Variants in TNNI3K observed in about 807,000 individuals in gnomAD.
TNNI3K encodes TNNI3 interacting kinase, also known as serine/threonine-protein kinase TNNI3K.
TNNI3K carries 140 observed loss-of-function variants against 114.5 expected under a neutral mutation model. The ratio of observed to expected loss-of-function variants is 1.22; its 90% CI spans 1.07 to 1.41. The LOEUF is 1.41. TNNI3K is among the 40% of genes most tolerant of loss of function. The probability of loss-of-function intolerance (pLI) is 0.00; values close to 1 mark genes in which losing one functional copy is unlikely to be tolerated. For missense variants in TNNI3K, 1,125 were observed against 1,007.6 expected, an observed-to-expected ratio of 1.12 and a Z score of -1.58; for synonymous variants, 347 against 347.5, an observed-to-expected ratio of 1.00 and a Z score of 0.02.
In TNNI3K at chr1:74,357,601, G is replaced by C. The variant is rs115587837; in HGVS notation, c.1177+3472G>C. Among the ~76,000 whole-genome samples the C allele has an allele frequency of 2.0e-3, 300 of 152,238 alleles. 1 individual carries two copies. The highest frequency in any genetic ancestry group is 6.5e-3 in the African/African-American group (270 of 41,540). ...GGTTCCCTGTGGAATCAGATATAAAGAATGCTTTCTATTTGCATAGCCCTT... is the reference window on the plus strand; with the variant it reads ...GGTTCCCTGTGGAATCAGATATAAACAATGCTTTCTATTTGCATAGCCCTT... On this transcript the variant is annotated intron_variant, in intron 11 of 24. Coordinates refer to ENST00000326637, the MANE Select transcript of TNNI3K (RefSeq NM_015978.3).
Position 74,301,879 on chromosome 1 carries a change from C to T in TNNI3K, c.445-29571C>T, listed in dbSNP as rs922131063. 2.6e-5 allele frequency among the ~76,000 whole-genome samples: 4 copies of T among 152,162 alleles called. No individual in the cohort carries two copies. In the South Asian group the frequency reaches 6.2e-4, roughly 24 times the overall value. The stretch of plus-strand genomic sequence containing the variant: ...AACCTTGGAAACATTTTAGTAAAGA[C>T]AGCAGTGACTTCTAAATGACTATGT... On this transcript the variant is annotated intron_variant, in intron 5 of 24. Transcript: ENST00000326637.
chr1:74,247,893 C>T lies in TNNI3K; in HGVS notation c.150-1566C>T, dbSNP rs188857145. Reference sequence around the variant, plus strand: ...GGAGCCGCCTGCCAGTCCCACGCTGCGTGCCTGCACTCCTCAGCCCTTGGG... The same window carrying T: ...GGAGCCGCCTGCCAGTCCCACGCTGTGTGCCTGCACTCCTCAGCCCTTGGG... On this transcript the variant is annotated intron_variant, in intron 2 of 24. Transcript: ENST00000326637. Among the ~76,000 whole-genome samples, 342 of 152,278 alleles carry T rather than the reference C, an allele frequency of 2.2e-3. 3 individuals are homozygous for T. Among genetic ancestry groups the T allele is most frequent in the Admixed American group, 3.9e-3 (59 of 15,304 alleles).
chr1:74,351,926 G>A (rs1426262708), intron 9 of TNNI3K, among the ~76,000 whole-genome samples: 1 of 151,926 alleles, frequency 6.6e-6, no homozygotes, highest in East Asian at 1.9e-4. Context: ...TCCTCCTTTA[G>A]CTGGGAGTAG....
At chr1:74,475,204 G>A in intron 21 of TNNI3K, 1 of 593,796 alleles carries the variant, frequency 1.7e-6, no homozygotes, top group Non-Finnish European at 3.0e-6. Flanking sequence ...GATTTTTATA[G>A]TATTTCCTGT....
intron 23 of TNNI3K, among the ~76,000 whole-genome samples, chr1:74,507,694 A>T (rs1356778128): frequency 6.6e-6 from 1 of 152,200 alleles, no homozygotes; most frequent in East Asian, 1.9e-4. Flanking sequence ...GCACAGTTCT[A>T]TGGTGAGAAT....
intron 4 of TNNI3K, among the ~76,000 whole-genome samples, chr1:74,256,456 G>T (rs1449532761): frequency 1.3e-5 from 2 of 151,256 alleles, no homozygotes; most frequent in Non-Finnish European, 2.9e-5. Flanking sequence ...AAATCTTTTT[G>T]CCATTTGTAA....
intron 23 of TNNI3K, among the ~76,000 whole-genome samples, chr1:74,496,287 C>T (rs1372857996): frequency 2.0e-5 from 3 of 152,144 alleles, no homozygotes; most frequent in African/African-American, 7.2e-5. Flanking sequence ...CCAAAGGGGA[C>T]CATTTTGATG....
In TNNI3K at chr1:74,249,501, T is replaced by G. The variant is rs371211761; in HGVS notation, c.192T>G (p.Thr64=). The change falls in exon 3 of 25, where the codon ACT becomes ACG. Residue 64 remains threonine, a synonymous_variant. Transcript: ENST00000326637. ...AFSKVNLNYR[T]ENGLSLLHLC... is the part of the protein sequence containing the mutation. The stretch of plus-strand genomic sequence containing the variant: ...GTAAAGTCAATTTAAATTACCGCAC[T>G]GAAAATGGGCTGTCTCTACTTCATT... The G allele has an allele frequency of 2.4e-5, 38 of 1,613,734 alleles. No individual in the cohort carries two copies. In the East Asian group the frequency reaches 8.3e-4, roughly 35 times the overall value.
chr1:74,535,069 C>T (rs1216414286), intron 23 of TNNI3K, among the ~76,000 whole-genome samples: 1 of 152,158 alleles, frequency 6.6e-6, no homozygotes, highest in South Asian at 2.1e-4. Flanking sequence ...AAATGTTGGA[C>T]ACGTCAGATA....
chr1:74,245,792 C>G (rs1654514520), intron 2 of TNNI3K, among the ~76,000 whole-genome samples: 1 of 152,120 alleles, frequency 6.6e-6, no homozygotes, highest in South Asian at 2.1e-4. Context: ...AAATGGCAAG[C>G]CTTGTGGTTT....
chr1:74,405,991 G>A (rs980567700), intron 17 of TNNI3K, among the ~76,000 whole-genome samples: 7 of 152,182 alleles, frequency 4.6e-5, no homozygotes, highest in Admixed American at 2.6e-4. Flanking sequence ...TCATCTCACA[G>A]CTCTATAGGT....
chr1:74,454,106 T>C (rs1283267554), intron 20 of TNNI3K, among the ~76,000 whole-genome samples: 1 of 152,198 alleles, frequency 6.6e-6, no homozygotes. Context: ...ATAATAATTG[T>C]ACATATTTAT....
intron 20 of TNNI3K, 116 bp downstream of exon 20, chr1:74,439,738 G>T: frequency 6.8e-7 from 1 of 1,460,320 alleles, no homozygotes. Context: ...CAAAAGAGGA[G>T]GTAAGCAAAC....
At chr1:74,525,000 T>C (rs1311882601) in intron 23 of TNNI3K, among the ~76,000 whole-genome samples, 2 of 152,186 alleles carry the variant, frequency 1.3e-5, no homozygotes, top group Non-Finnish European at 1.5e-5. Context: ...TTCAATTATA[T>C]AGTAAGTATT....
chr1:74,533,901 G>T (rs1646626051), intron 23 of TNNI3K, among the ~76,000 whole-genome samples: 1 of 152,172 alleles, frequency 6.6e-6, no homozygotes. Flanking sequence ...GTGTGTTTTA[G>T]TAGAAAGAGT....
chr1:74,268,520 A>C (rs1057235831), intron 4 of TNNI3K, among the ~76,000 whole-genome samples: 1 of 151,770 alleles, frequency 6.6e-6, no homozygotes, highest in Non-Finnish European at 1.5e-5. Context: ...AAGCAGAGGG[A>C]GTGGAGTTAG....
intron 6 of TNNI3K, among the ~76,000 whole-genome samples, chr1:74,331,886 A>G (rs2100413806): frequency 6.6e-6 from 1 of 152,250 alleles, no homozygotes; most frequent in African/African-American, 2.4e-5. Flanking sequence ...TCACCTATAA[A>G]ATGGGGAAAG....
At chr1:74,305,392 G>C (rs1448356596) in intron 5 of TNNI3K, among the ~76,000 whole-genome samples, 1 of 152,160 alleles carries the variant, frequency 6.6e-6, no homozygotes. Context: ...AACCAGTACT[G>C]AGCTGGGAAG....
chr1:74,455,661 A>G (rs1193015479), intron 20 of TNNI3K, among the ~76,000 whole-genome samples: 1 of 152,196 alleles, frequency 6.6e-6, no homozygotes, highest in Non-Finnish European at 1.5e-5. Context: ...GAGGGTCACC[A>G]CTGTAAGTTC....
Sources: allele counts gnomAD v4.1 joint callset (sites outside exome capture counted in the v4.1 genomes callset), GRCh38; gene constraint gnomAD v4.1.1; transcripts MANE v1.5; gene names NCBI Gene and HGNC (gene_info 2026-07-23, HGNC 2026-07-21).